Variants in ADGRL2 observed in about 807,000 individuals in gnomAD.
The protein encoded by ADGRL2 is calcium-independent alpha-latrotoxin receptor 2.
Under a neutral mutation model 157.4 loss-of-function variants are expected in ADGRL2, and 44 were observed. The observed-to-expected ratio is 0.28, with a 90% CI of 0.22 to 0.36. The LOEUF is 0.36. Among genes scored for constraint, ADGRL2 ranks in the 10% least tolerant of loss-of-function variants. ADGRL2 has a pLI of 1.00. For synonymous variants in ADGRL2, 585 were observed against 624.7 expected, an observed-to-expected ratio of 0.94 and a Z score of 0.95; for missense variants, 1,510 against 1,768.9, an observed-to-expected ratio of 0.85 and a Z score of 2.63.
intron 1 of ADGRL2, among the ~76,000 whole-genome samples, chr1:81,361,650 A>G (rs916427821): frequency 1.3e-5 from 2 of 151,978 alleles, no homozygotes; most frequent in Non-Finnish European, 2.9e-5. Flanking sequence ...AAAATAAGCA[A>G]TCTGCTTTGA....
chr1:81,761,523 G>GA (rs954585786), intron 1 of ADGRL2, among the ~76,000 whole-genome samples: 10 of 151,010 alleles, frequency 6.6e-5, no homozygotes, highest in African/African-American at 1.7e-4. Flanking sequence ...AGGGCTGAGT[G>GA]AAAAAAAAAT....
chr1:81,868,274 T>C lies in ADGRL2; in HGVS notation c.73+31217T>C, dbSNP rs2093603076. On this transcript the variant is annotated intron_variant, in intron 2 of 23. Transcript: ENST00000686636. The stretch of plus-strand genomic sequence containing the variant: ...TTGCGGAGACATGCATTGACTAAAT[T>C]ACAAATAGGGTATGTTCTACAAAGG... Among the ~76,000 whole-genome samples, 5 of 152,140 alleles carry C rather than the reference T, an allele frequency of 3.3e-5. No individual in the cohort carries two copies. In the South Asian group the frequency reaches 1.0e-3, roughly 32 times the overall value.
At chr1:81,338,802 G>A (rs1276869162) in intron 1 of ADGRL2, among the ~76,000 whole-genome samples, 10 of 152,062 alleles carry the variant, frequency 6.6e-5, no homozygotes, top group Admixed American at 5.2e-4. Context: ...AACTGAACCC[G>A]GGCAGCTTGG....
chr1:81,371,978 A>G lies in ADGRL2; in HGVS notation c.-302+65469A>G, dbSNP rs949682102. ...CACAGGTCTGTTGTAGGTACAGTTG[A>G]CAGGCAGTCATGTGAGAAGGGTCAG... On this transcript the variant is annotated intron_variant, in intron 1 of 24. Coordinates refer to the ADGRL2 transcript ENST00000370721. Among the ~76,000 whole-genome samples the G allele has an allele frequency of 2.0e-5, 3 of 152,198 alleles. 1 individual carries two copies. Among genetic ancestry groups the G allele is most frequent in the Non-Finnish European group, 4.4e-5 (3 of 68,040 alleles).
intron 1 of ADGRL2, among the ~76,000 whole-genome samples, chr1:81,401,980 A>ATTGT (rs148111228): frequency 0.054 from 8,262 of 152,110 alleles, 632 homozygotes; most frequent in African/African-American, 0.17. Flanking sequence ...AAAATTAGTA[A>ATTGT]TTGTTTGTTT....
At chr1:81,942,743 G>A (rs745324129) in intron 5 of ADGRL2, 14 of 576,980 alleles carry the variant, frequency 2.4e-5, no homozygotes, top group Non-Finnish European at 4.4e-5. Context: ...TTAAACTTAG[G>A]CTTTTGTTAG....
chr1:81,557,085 C>T (rs923008484), intron 2 of ADGRL2: 5 of 184,634 alleles, frequency 2.7e-5, no homozygotes, highest in Admixed American at 6.3e-5. Context: ...ACGAAGCAGC[C>T]CACTCTCAGG....
At chr1:81,738,995 C>T (rs1236605337) in intron 1 of ADGRL2, among the ~76,000 whole-genome samples, 1 of 152,144 alleles carries the variant, frequency 6.6e-6, no homozygotes, top group East Asian at 1.9e-4. Flanking sequence ...GGCCTAGTGC[C>T]CTCCTGATAA....
chr1:81,724,049 C>A (rs894514428), intron 1 of ADGRL2, among the ~76,000 whole-genome samples: 2 of 152,090 alleles, frequency 1.3e-5, no homozygotes, highest in African/African-American at 4.8e-5. Context: ...GGGCTAAAGA[C>A]AGGCTTTTTC....
intron 3 of ADGRL2, among the ~76,000 whole-genome samples, chr1:81,912,445 T>C (rs922247229): frequency 1.3e-5 from 2 of 152,192 alleles, no homozygotes; most frequent in African/African-American, 4.8e-5. Context: ...TGAAGTTTAT[T>C]TCAGAACTGG....
chr1:81,550,425 G>T (rs1054689494), intron 2 of ADGRL2, among the ~76,000 whole-genome samples: 2 of 152,080 alleles, frequency 1.3e-5, no homozygotes, highest in East Asian at 3.9e-4. Flanking sequence ...CAGAACATCG[G>T]GCTGTTCTAC....
At chr1:81,866,173 T>C (rs1460509327) in intron 2 of ADGRL2, among the ~76,000 whole-genome samples, 1 of 152,200 alleles carries the variant, frequency 6.6e-6, no homozygotes, top group Non-Finnish European at 1.5e-5. Context: ...ACATTTTTTC[T>C]TGCCTCTGGC....
At chr1:81,883,863 T>C (rs1350887504) in intron 2 of ADGRL2, among the ~76,000 whole-genome samples, 1 of 152,214 alleles carries the variant, frequency 6.6e-6, no homozygotes, top group Non-Finnish European at 1.5e-5. Context: ...ATTTTTGAGA[T>C]CAGAATTGTA....
chr1:81,309,804 G>A (rs374960219), intron 1 of ADGRL2, among the ~76,000 whole-genome samples: 2 of 151,956 alleles, frequency 1.3e-5, no homozygotes, highest in East Asian at 3.9e-4. Flanking sequence ...TCCCCACCTT[G>A]TTTTTCTGTC....
At chr1:81,583,722 A>C (rs1402052055) in intron 3 of ADGRL2, among the ~76,000 whole-genome samples, 2 of 152,148 alleles carry the variant, frequency 1.3e-5, no homozygotes, top group African/African-American at 4.8e-5. Context: ...CACACTTCTA[A>C]GGTTTGCTAT....
chr1:81,534,416 C>T (rs566675302), intron 2 of ADGRL2, among the ~76,000 whole-genome samples: 1 of 152,328 alleles, frequency 6.6e-6, no homozygotes, highest in African/African-American at 2.4e-5. Flanking sequence ...CCAGCCTTGG[C>T]CTCCCAAAGT....
intron 3 of ADGRL2, among the ~76,000 whole-genome samples, chr1:81,653,598 G>A (rs1484457184): frequency 6.6e-6 from 1 of 152,090 alleles, no homozygotes; most frequent in African/African-American, 2.4e-5. Context: ...CTACCAGAGG[G>A]TAATCAAAAA....
intron 3 of ADGRL2, among the ~76,000 whole-genome samples, chr1:81,913,578 A>C (rs1288105839): frequency 6.6e-6 from 1 of 152,092 alleles, no homozygotes; most frequent in South Asian, 2.1e-4. Flanking sequence ...ATTTTAAGGG[A>C]GTTATTGAGA....
chr1:81,417,708 G>A (rs4475800), intron 1 of ADGRL2, among the ~76,000 whole-genome samples: 57,732 of 152,010 alleles, frequency 0.38, 11,091 homozygotes, highest in East Asian at 0.49. Context: ...ATTTCAGTTC[G>A]AAACTTGGTT....
Sources: gnomAD v4.1 joint callset for allele counts (sites outside exome capture counted in the v4.1 genomes callset) on GRCh38, gnomAD v4.1.1 for gene constraint, MANE v1.5 for transcripts, NCBI Gene and HGNC (gene_info 2026-07-23, HGNC 2026-07-21) for gene names.